The following UTP14C variants were observed in gnomAD, a reference collection of about 807,000 sequenced individuals.
The protein encoded by UTP14C is U3 small nucleolar RNA-associated protein 14 homolog C.
In UTP14C, 10 loss-of-function variants were observed where a neutral mutation model predicts 14.6. The observed-to-expected ratio is 0.68, with a 90% CI of 0.42 to 1.16. The LOEUF (loss-of-function observed/expected upper bound fraction) is 1.16. UTP14C is among the 50% of genes most tolerant of loss of function. The pLI, the probability that UTP14C is intolerant of heterozygous loss-of-function variation, is 0.00. For synonymous variants in UTP14C, 315 were observed against 331.6 expected (o/e 0.95, Z 0.54); for missense variants, 818 against 890.8 (o/e 0.92, Z 1.04).
intron 1 of UTP14C, among the ~76,000 whole-genome samples, chr13:52,028,010 G>C (rs773435330): frequency 1.3e-5 from 2 of 151,980 alleles, no homozygotes; most frequent in Non-Finnish European, 2.9e-5. Context: ...GTAAATCCCA[G>C]CACTTTGGGA....
At position 52,031,146 on chromosome 13, in the gene UTP14C, C is replaced by A; in HGVS notation, c.*41C>A. 3 of 1,566,630 alleles carry A rather than the reference C, an allele frequency of 1.9e-6. No homozygotes were observed. Among genetic ancestry groups the A allele is most frequent in the Non-Finnish European group, 2.6e-6 (3 of 1,156,952 alleles). ...AAGTGACAGTCAGGGGCCCTGATTC[C>A]ACTTCCTTTGGTCCAGTTTTACTCT... On this transcript the variant is annotated 3_prime_UTR_variant, in exon 2 of 2. Transcript: ENST00000521776.
rs902167227 is a variant in UTP14C, at chr13:52,030,150, C to G, written c.1346C>G (p.Ser449Cys). The G allele has an allele frequency of 1.9e-6, 3 of 1,614,170 alleles. No individual in the cohort carries two copies. Among genetic ancestry groups the G allele is most frequent in the East Asian group, 2.2e-5 (1 of 44,890 alleles). The stretch of plus-strand genomic sequence containing the variant: ...GCAAGCAGTCAAGAAACAAAAGATT[C>G]TAGCAGCCAGGAGGTGCTGTCCGAA... Reference protein sequence around the residue: ...EPASSQETKDSSSQEVLSELR... With the variant: ...EPASSQETKDCSSQEVLSELR... Residue 449 changes from serine to cysteine, a missense_variant, in exon 2 of 2, where the codon TCT becomes TGT. By Grantham distance (112) the Ser-to-Cys change is moderately radical. Transcript: ENST00000521776.
chr13:52,029,513 G>A lies in UTP14C; in HGVS notation c.709G>A (p.Glu237Lys), dbSNP rs1337717358. The change falls in exon 2 of 2, where the codon GAG becomes AAG. Residue 237 changes from glutamate to lysine, a missense_variant. Glu to Lys is a moderately conservative substitution (Grantham distance 56, BLOSUM62 1). Transcript: ENST00000521776. ...GGCTCGGGCTCTGCAGTCCTACTAT[G>A]AGGCCAAGGCTCGAAAAGAGAAGAA... ...QRARALQSYY[E>K]AKARKEKKIK... 2 of 1,614,168 alleles carry A rather than the reference G, an allele frequency of 1.2e-6. No homozygotes were observed. The highest frequency in any genetic ancestry group is 2.2e-5 in the East Asian group (1 of 44,878).
In UTP14C at chr13:52,030,538, A is replaced by C. The variant is rs752079420; in HGVS notation, c.1734A>C (p.Ile578=). The change falls in exon 2 of 2, where the codon ATA becomes ATC. Residue 578 remains isoleucine (I), a synonymous_variant. Transcript: ENST00000521776. ...PSVRSLAVPT[I]IEELEDEEER... ...TGAGGTCTTTGGCAGTTCCCACAAT[A>C]ATAGAGGAGCTGGAAGATGAAGAGG... 6.2e-7 allele frequency: 1 copy of C among 1,614,154 alleles called. No homozygotes were observed.
chr13:52,026,888 T>A (rs1954246599), intron 1 of UTP14C, among the ~76,000 whole-genome samples: 1 of 152,128 alleles, frequency 6.6e-6, no homozygotes, highest in Admixed American at 6.5e-5. Context: ...GTGGATGTGG[T>A]TAAGATCGCC....
rs764200705 is a variant in UTP14C, at chr13:52,030,587, A to G, written c.1783A>G (p.Lys595Glu). ...EEERDQRQMI[K>E]EAFAGDDVIR... ...GGAGAGAGACCAAAGGCAGATGATA[A>G]AGGAAGCTTTTGCTGGGGATGATGT... is the stretch of plus-strand genomic sequence containing the variant. The change falls in exon 2 of 2, where the codon AAG (lysine) becomes GAG (glutamate). Residue 595 changes from lysine (K) to glutamate (E), a missense_variant. Coordinates refer to ENST00000521776, the MANE Select transcript of UTP14C (RefSeq NM_021645.6). The G allele has an allele frequency of 1.9e-6, 3 of 1,614,218 alleles. No individual in the cohort carries two copies. Among genetic ancestry groups the G allele is most frequent in the Non-Finnish European group, 2.5e-6 (3 of 1,180,046 alleles).
At chr13:52,025,240 C>T (rs143531074) in intron 1 of UTP14C, among the ~76,000 whole-genome samples, 343 of 152,274 alleles carry the variant, frequency 2.3e-3, no homozygotes, top group African/African-American at 6.5e-3. Flanking sequence ...AATAAAGAAA[C>T]TCAGGCACAG....
In UTP14C at chr13:52,028,449, T is replaced by G; in HGVS notation, c.-356T>G. ...TGGCTGAGAGTGAAGAAGACTATGC[T>G]GAAACTATCGCTCACATTCTTTCCA... On this transcript the variant is annotated 5_prime_UTR_variant, in exon 2 of 2. Coordinates refer to ENST00000521776, the MANE Select transcript of UTP14C (RefSeq NM_021645.6). 1 of 1,614,194 alleles carries G rather than the reference T, an allele frequency of 6.2e-7. No homozygotes were observed.
Position 52,033,448 on chromosome 13 carries a change from G to T in UTP14C, c.*2343G>T, listed in dbSNP as rs3209141. 1 of 167,042 alleles carries T rather than the reference G, an allele frequency of 6.0e-6. No individual in the cohort carries two copies. Among genetic ancestry groups the T allele is most frequent in the Admixed American group, 6.5e-5 (1 of 15,274 alleles). 10.3% of individuals were successfully genotyped at this position (167,042 alleles called of 1,614,324 possible). ...AGTCTGTGTCTAAATATTATTTAAA[G>T]AAGTGATTTTTCATTCTCTTGGATT... On this transcript the variant is annotated 3_prime_UTR_variant, in exon 2 of 2. Coordinates refer to ENST00000521776, the MANE Select transcript of UTP14C (RefSeq NM_021645.6).
chr13:52,030,064 A>G lies in UTP14C; in HGVS notation c.1260A>G (p.Arg420=). 3.1e-6 allele frequency: 5 copies of G among 1,614,228 alleles called. 1 individual carries two copies. The African/African-American group carries it at 4.0e-5, about 13-fold the overall frequency. Residue 420 remains arginine (R), a synonymous_variant, in exon 2 of 2, where the codon AGA becomes AGG. Transcript: ENST00000521776. ...TGGCAGAGGAAGAAATTTTGTTGAG[A>G]GAATTTGAGGAAAGGCAATCCCTTA... ...RPVAEEEILL[R]EFEERQSLRK... is the part of the protein sequence containing the mutation.
At chr13:52,026,046 C>T (rs992137793) in intron 1 of UTP14C, among the ~76,000 whole-genome samples, 10 of 152,204 alleles carry the variant, frequency 6.6e-5, no homozygotes, top group Admixed American at 1.3e-4. Context: ...GGCTTCCCAC[C>T]CTCTGGTGGT....
chr13:52,029,842 G>C lies in UTP14C; in HGVS notation c.1038G>C (p.Glu346Asp), dbSNP rs200304247. The C allele has an allele frequency of 9.7e-5, 156 of 1,614,088 alleles. No individual in the cohort carries two copies. The highest frequency in any genetic ancestry group is 8.3e-5 in the Admixed American group (5 of 60,002). The change falls in exon 2 of 2, where the codon GAG becomes GAC. Residue 346 changes from glutamate (E) to aspartate (D), a missense_variant. Coordinates refer to ENST00000521776, the MANE Select transcript of UTP14C (RefSeq NM_021645.6). ...TAGCCTCTGAGAGTGAGGAAGAGGA[G>C]GGAGGCACAGAAGTGGAAGAACTCC... is the stretch of plus-strand genomic sequence containing the variant. ...LQVASESEEE[E>D]GGTEVEELLV...
Position 52,029,047 on chromosome 13 carries a change from A to C in UTP14C, c.243A>C (p.Gly81=). The C allele has an allele frequency of 6.2e-7, 1 of 1,614,264 alleles. No individual in the cohort carries two copies. Among genetic ancestry groups the C allele is most frequent in the Non-Finnish European group, 8.5e-7 (1 of 1,180,046 alleles). ...SEFSVSSEGS[G]EKLGLADLLE... is the part of the protein sequence containing the mutation. ...TCAGTGTCAGTTCTGAAGGATCAGG[A>C]GAAAAGCTGGGCCTTGCAGATCTGC... The change falls in exon 2 of 2, where the codon GGA becomes GGC. Residue 81 remains glycine (G), a synonymous_variant. Transcript: ENST00000521776.
Position 52,030,189 on chromosome 13 carries a change from C to G in UTP14C, c.1385C>G (p.Ser462Cys). The G allele has an allele frequency of 6.2e-7, 1 of 1,614,180 alleles. No individual in the cohort carries two copies. The change falls in exon 2 of 2, where the codon TCT becomes TGT. Residue 462 changes from serine (S) to cysteine (C), a missense_variant. Transcript: ENST00000521776. Reference protein sequence around the residue: ...QEVLSELRALSQKLKEKHQSR... With the variant: ...QEVLSELRALCQKLKEKHQSR... ...GTGCTGTCCGAATTGAGGGCACTAT[C>G]TCAGAAATTGAAGGAAAAACATCAG... is the stretch of plus-strand genomic sequence containing the variant.
chr13:52,032,963 G>C lies in UTP14C; in HGVS notation c.*1858G>C, dbSNP rs1365191896. 6.0e-6 allele frequency: 1 copy of C among 167,000 alleles called. No homozygotes were observed. The highest frequency in any genetic ancestry group is 1.9e-4 in the East Asian group (1 of 5,206). 10.3% of individuals were successfully genotyped at this position (167,000 alleles called of 1,614,324 possible). A position where few individuals can be genotyped will look rare whatever the true frequency, so the allele number is the denominator to read the frequency against. On this transcript the variant is annotated 3_prime_UTR_variant, in exon 2 of 2. Coordinates refer to ENST00000521776, the MANE Select transcript of UTP14C (RefSeq NM_021645.6). ...TACACTTTGAAGTAAGATTCAAACT[G>C]TTATCCACTCAATTGCCTTATTCCT... is the stretch of plus-strand genomic sequence containing the variant.
chr13:52,030,048 A>G lies in UTP14C; in HGVS notation c.1244A>G (p.Glu415Gly), dbSNP rs1306286377. ...GCAGAAGAAAGACCAGTGGCAGAGG[A>G]AGAAATTTTGTTGAGAGAATTTGAG... is the stretch of plus-strand genomic sequence containing the variant. ...SEAEERPVAEEEILLREFEER... is the reference protein window; with the variant it reads ...SEAEERPVAEGEILLREFEER... Residue 415 changes from glutamate to glycine, a missense_variant, in exon 2 of 2, where the codon GAA becomes GGA. Transcript: ENST00000521776. The G allele has an allele frequency of 6.2e-7, 1 of 1,614,106 alleles. No individual in the cohort carries two copies. Among genetic ancestry groups the G allele is most frequent in the Non-Finnish European group, 8.5e-7 (1 of 1,180,044 alleles).
At position 52,031,433 on chromosome 13, in the gene UTP14C, A is replaced by G; in HGVS notation, c.*328A>G. The stretch of plus-strand genomic sequence containing the variant: ...TCAAAGCATACAGTCAAGAGGTGGG[A>G]CTGACTGATGCTTTATAGGTGTGTG... On this transcript the variant is annotated 3_prime_UTR_variant, in exon 2 of 2. Coordinates refer to ENST00000521776, the MANE Select transcript of UTP14C (RefSeq NM_021645.6). 3.4e-6 allele frequency: 1 copy of G among 292,348 alleles called. No individual in the cohort carries two copies. The highest frequency in any genetic ancestry group is 6.0e-5 in the South Asian group (1 of 16,662). 18.1% of individuals were successfully genotyped at this position (292,348 alleles called of 1,614,324 possible).
At position 52,028,336 on chromosome 13, in the gene UTP14C, G is replaced by A. The variant is rs1190912997; in HGVS notation, c.-469G>A. ...TTTCTCAGGAGTTGTGGAGTGTATG[G>A]CAGCTGGCACAATTATCCTTGCACA... On this transcript the variant is annotated 5_prime_UTR_variant, in exon 2 of 2. Coordinates refer to ENST00000521776, the MANE Select transcript of UTP14C (RefSeq NM_021645.6). The A allele has an allele frequency of 6.2e-7, 1 of 1,613,988 alleles. No individual in the cohort carries two copies. The highest frequency in any genetic ancestry group is 8.5e-7 in the Non-Finnish European group (1 of 1,180,026).
rs746011351 is a variant in UTP14C at position 52,029,330 on chromosome 13, G to C, written c.526G>C (p.Gly176Arg). ...TGCTCCCATTGAACATGCGCTCAGT[G>C]GCTGGAAGGCAAGAACTCCCCTGGA... is the stretch of plus-strand genomic sequence containing the variant. ...AIAPIEHALS[G>R]WKARTPLEQE... The change falls in exon 2 of 2, where the codon GGC (glycine) becomes CGC (arginine). Residue 176 changes from glycine to arginine, a missense_variant. Coordinates refer to ENST00000521776, the MANE Select transcript of UTP14C (RefSeq NM_021645.6). 1.5e-5 allele frequency: 24 copies of C among 1,614,120 alleles called. No homozygotes were observed. The South Asian group carries it at 2.4e-4, about 16-fold the overall frequency.
Sources: allele counts gnomAD v4.1 joint callset (sites outside exome capture counted in the v4.1 genomes callset), GRCh38; gene constraint gnomAD v4.1.1; transcripts MANE v1.5; gene names NCBI Gene and HGNC (gene_info 2026-07-23, HGNC 2026-07-21).